The following TTN variants were observed in gnomAD, a reference collection of about 807,000 sequenced individuals.
TTN encodes titin.
A neutral mutation model predicts 3,223.0 loss-of-function variants in TTN; 1,525 were observed. The observed-to-expected ratio is 0.47, with a 90% CI of 0.45 to 0.49. The LOEUF (loss-of-function observed/expected upper bound fraction) is 0.49, where lower values mean the gene tolerates loss of function less well. TTN is among the 20% of genes least tolerant of loss of function. TTN has a pLI of 0.00. For synonymous variants in TTN, 14,094 were observed against 15,161.0 expected (o/e 0.93, Z 5.17); for missense variants, 40,786 against 43,424.0 (o/e 0.94, Z 5.40).
intron 361 of TTN, 152 bp from the exon 362 acceptor site, chr2:178,527,900 C>T (rs1398043762): frequency 6.0e-6 from 4 of 663,624 alleles, no homozygotes; most frequent in Admixed American, 3.2e-5. Context: ...TACATATATA[C>T]ATACATTTGT....
chr2:178,771,488 G>A lies in TTN; in HGVS notation c.7856-17C>T, dbSNP rs748692552. 1.2e-6 allele frequency: 2 copies of A among 1,613,800 alleles called. No homozygotes were observed. Among genetic ancestry groups the A allele is most frequent in the South Asian group, 1.1e-5 (1 of 91,066 alleles). On this transcript the variant is annotated splice_polypyrimidine_tract_variant and intron_variant, in intron 33 of 362. Coordinates refer to ENST00000589042, the MANE Select transcript of TTN (RefSeq NM_001267550.2). ...TGGCCCCACCTTTGGAACAAGAGAT[G>A]TACAGTATGAGTCCTTTAAACATAT...
chr2:178,550,495 A>G lies in TTN; in HGVS notation c.91565-222T>C, dbSNP rs142042835. 1,275 of 516,370 alleles carry G rather than the reference A, an allele frequency of 2.5e-3. 23 individuals are homozygous for G. Among genetic ancestry groups the G allele is most frequent in the South Asian group, 0.021 (693 of 32,794 alleles). 32.0% of individuals were successfully genotyped at this position (516,370 alleles called of 1,614,324 possible). On this transcript the variant is annotated intron_variant, in intron 336 of 362. Coordinates refer to ENST00000589042, the MANE Select transcript of TTN (RefSeq NM_001267550.2). ...CTTTGTAATGCCTGTCATGTTTTTA[A>G]TTTTGCATTGCTCTTTGTAAAAAGG...
rs752812520 is a variant in TTN, at chr2:178,577,527, A to C, written c.68825-17T>G. 6.4e-7 allele frequency: 1 copy of C among 1,556,486 alleles called. No homozygotes were observed. The highest frequency in any genetic ancestry group is 2.3e-5 in the East Asian group (1 of 44,124). On this transcript the variant is annotated splice_polypyrimidine_tract_variant and intron_variant, in intron 323 of 362. Coordinates refer to ENST00000589042, the MANE Select transcript of TTN (RefSeq NM_001267550.2). ...TTGGTGCCTCTGCAAAGAAAAAAAT[A>C]CATTTTAATCAGAAAAGGAAGGAGG...
intron 294 of TTN, 80 bp downstream of exon 294, chr2:178,597,458 A>G (rs1201498432): frequency 7.0e-7 from 1 of 1,432,528 alleles, no homozygotes; most frequent in Non-Finnish European, 9.4e-7. Context: ...TGTTTGTTAC[A>G]CAGCATACAG....
chr2:178,768,209 A>G, intron 38 of TTN, 54 bp from the exon 39 acceptor site: 1 of 1,576,232 alleles, frequency 6.3e-7, no homozygotes, highest in South Asian at 1.1e-5. Flanking sequence ...ATTGAGATAT[A>G]ATTCACATAC....
rs2154269430 is a variant in TTN, at chr2:178,678,956, A to G, written c.33743-126T>C. 1.3e-5 allele frequency: 10 copies of G among 774,716 alleles called. No homozygotes were observed. In the South Asian group the frequency reaches 2.0e-4, roughly 15 times the overall value. 48.0% of individuals were successfully genotyped at this position (774,716 alleles called of 1,614,324 possible). A position where few individuals can be genotyped will look rare whatever the true frequency, so the allele number is the denominator to read the frequency against. On this transcript the variant is annotated intron_variant, in intron 142 of 362. Transcript: ENST00000589042. ...TATCAATTTCACTTTAAGACTGAAA[A>G]TTATAATAGCCACAAAACAAAGGCC...
intron 33 of TTN, 179 bp downstream of exon 33, chr2:178,772,930 A>G (rs970729916): frequency 4.1e-6 from 3 of 737,882 alleles, no homozygotes. Context: ...AGGTAGGCCT[A>G]GAAGAACATT....
Position 178,794,963 on chromosome 2 carries a change from C to A in TTN, c.1204G>T (p.Ala402Ser). 7 of 1,605,438 alleles carry A rather than the reference C, an allele frequency of 4.4e-6. No homozygotes were observed. The highest frequency in any genetic ancestry group is 5.9e-6 in the Non-Finnish European group (7 of 1,179,960). ...AGAAASVSAS[A>S]SYAAEAVATG... Reference sequence around the variant, plus strand: ...GCAACAGCCTCTGCTGCGTAGCTAGCACTGGCCGACACACTGGCGGCAGCA... The same window carrying A: ...GCAACAGCCTCTGCTGCGTAGCTAGAACTGGCCGACACACTGGCGGCAGCA... Residue 402 changes from alanine to serine, a missense_variant, in exon 7 of 363, where the codon GCT becomes TCT. Coordinates refer to ENST00000589042, the MANE Select transcript of TTN (RefSeq NM_001267550.2).
At position 178,711,075 on chromosome 2, in the gene TTN, C is replaced by A; in HGVS notation, c.28161G>T (p.Arg9387Ser). 6.3e-7 allele frequency: 1 copy of A among 1,590,550 alleles called. No individual in the cohort carries two copies. Among genetic ancestry groups the A allele is most frequent in the Non-Finnish European group, 8.6e-7 (1 of 1,168,794 alleles). ...GAATCCACAAACCTGTGAGAATGAG[C>A]CTGGCACTGGAAGAAGCAGAGCCTA... The part of the protein sequence containing the change: ...NPIGSASSSA[R>S]LILTEGKNPP... The change falls in exon 97 of 363, where the codon AGG becomes AGT. Residue 9387 changes from arginine (R) to serine (S), a missense_variant. Coordinates refer to ENST00000589042, the MANE Select transcript of TTN (RefSeq NM_001267550.2).
At position 178,543,324 on chromosome 2, in the gene TTN, A is replaced by T; in HGVS notation, c.96649T>A (p.Ser32217Thr). The stretch of plus-strand genomic sequence containing the variant: ...TTTTCCCAGGCAAGGGTAACAGTGG[A>T]TTTGGTGACATCGACCACTTCTAGC... ...AKLEVVDVTK[S>T]TVTLAWEKPL... The change falls in exon 347 of 363, where the codon TCC (serine) becomes ACC (threonine). Residue 32217 changes from serine (S) to threonine (T), a missense_variant. Transcript: ENST00000589042. 1.2e-6 allele frequency: 2 copies of T among 1,613,808 alleles called. No homozygotes were observed. Among genetic ancestry groups the T allele is most frequent in the Non-Finnish European group, 1.7e-6 (2 of 1,179,806 alleles).
Position 178,590,599 on chromosome 2 carries a change from T to C in TTN, c.61126A>G (p.Ile20376Val). 6.2e-7 allele frequency: 1 copy of C among 1,612,828 alleles called. No individual in the cohort carries two copies. Among genetic ancestry groups the C allele is most frequent in the Admixed American group, 1.7e-5 (1 of 59,906 alleles). ...CTCTTGTCTTTCAGTTTAGGATTAA[T>C]AGGTGGTCCAGGTGGTTTGATGGGC... ...CRPIKPPGPP[I>V]NPKLKDKSRE... The change falls in exon 304 of 363, where the codon ATT (isoleucine) becomes GTT (valine). Residue 20376 changes from isoleucine to valine, a missense_variant. Coordinates refer to ENST00000589042, the MANE Select transcript of TTN (RefSeq NM_001267550.2).
chr2:178,694,910 C>A lies in TTN; in HGVS notation c.31271-4G>T, dbSNP rs2073322104. The A allele has an allele frequency of 6.5e-7, 1 of 1,540,344 alleles. No homozygotes were observed. Among genetic ancestry groups the A allele is most frequent in the Non-Finnish European group, 8.8e-7 (1 of 1,140,090 alleles). On this transcript the variant is annotated splice_polypyrimidine_tract_variant and splice_region_variant and intron_variant, in intron 115 of 362. Coordinates refer to ENST00000589042, the MANE Select transcript of TTN (RefSeq NM_001267550.2). ...TCAATTACTGGCTTCTTTATAACTG[C>A]AAGCATTTTAGAGAAATTGCAGTAC... is the stretch of plus-strand genomic sequence containing the variant.
rs763184060 is a variant in TTN at position 178,615,287 on chromosome 2, A to G, written c.48638+20T>C. On this transcript the variant is annotated intron_variant, in intron 259 of 362. Coordinates refer to ENST00000589042, the MANE Select transcript of TTN (RefSeq NM_001267550.2). ...TGACTAGGAGTACACATTTACTCTC[A>G]TGCCAAATTAAAAACCTACTTTGTT... 1 of 1,611,674 alleles carries G rather than the reference A, an allele frequency of 6.2e-7. No individual in the cohort carries two copies. The highest frequency in any genetic ancestry group is 1.7e-5 in the Admixed American group (1 of 59,826).
At chr2:178,645,114 G>T (rs1243081844) in intron 217 of TTN, 2 of 152,120 alleles carry the variant, frequency 1.3e-5, no homozygotes, top group Non-Finnish European at 2.9e-5. Context: ...GATAATTTTA[G>T]ATTGGGGAAT....
chr2:178,708,335 T>G (rs1239508253), intron 99 of TTN, among the ~76,000 whole-genome samples: 3 of 152,204 alleles, frequency 2.0e-5, no homozygotes, highest in Non-Finnish European at 4.4e-5. Context: ...CACAGTAGCA[T>G]TTAAAATCCA....
intron 40 of TTN, 87 bp from the exon 41 acceptor site, chr2:178,766,699 G>A (rs2090496699): frequency 9.6e-7 from 1 of 1,036,380 alleles, no homozygotes; most frequent in East Asian, 2.5e-5. Flanking sequence ...TTCTAAAACT[G>A]GTCAATGAAT....
In TTN at chr2:178,563,336, C is replaced by T. The variant is rs1553571755; in HGVS notation, c.82796G>A (p.Gly27599Asp). 1 of 1,613,602 alleles carries T rather than the reference C, an allele frequency of 6.2e-7. No individual in the cohort carries two copies. The highest frequency in any genetic ancestry group is 1.3e-5 in the African/African-American group (1 of 75,010). ...LAWSKPIYDG[G>D]APVKGYVVEV... ...TACAACATAGCCTTTAACAGGTGCG[C>T]CACCATCATAAATTGGCTTACTCCA... The change falls in exon 326 of 363, where the codon GGC becomes GAC. Residue 27599 changes from glycine to aspartate, a missense_variant. Gly to Asp is a moderately conservative substitution (Grantham distance 94, BLOSUM62 -1). Coordinates refer to ENST00000589042, the MANE Select transcript of TTN (RefSeq NM_001267550.2). The surrounding 1 kb of genome is among the most constrained non-coding windows in gnomAD (Gnocchi z 4.5).
rs2303830 is a variant in TTN at position 178,615,707 on chromosome 2, G to A, written c.48394C>T (p.Arg16132Cys). The change falls in exon 258 of 363, where the codon CGT becomes TGT. Residue 16132 changes from arginine (R) to cysteine (C), a missense_variant. Arg to Cys is a radical substitution (Grantham distance 180, BLOSUM62 -3). Coordinates refer to ENST00000589042, the MANE Select transcript of TTN (RefSeq NM_001267550.2). ...GKEYLFKVCARNKCGPGEPAY... is the reference protein window; with the variant it reads ...GKEYLFKVCACNKCGPGEPAY... ...GGTTCTCCAGGGCCACATTTGTTAC[G>A]AGCACAAACTTTAAATAAGTACTCT... 508 of 1,612,356 alleles carry A rather than the reference G, an allele frequency of 3.2e-4. 5 individuals are homozygous for A. In the East Asian group the frequency reaches 0.011, roughly 34 times the overall value.
rs1706037308 is a variant in TTN at position 178,566,796 on chromosome 2, G to A, written c.79336C>T (p.Leu26446=). The A allele has an allele frequency of 2.5e-6, 4 of 1,613,312 alleles. No individual in the cohort carries two copies. Among genetic ancestry groups the A allele is most frequent in the Non-Finnish European group, 3.4e-6 (4 of 1,179,682 alleles). The change falls in exon 326 of 363, where the codon CTA becomes TTA. Residue 26446 remains leucine (L), a synonymous_variant. Coordinates refer to ENST00000589042, the MANE Select transcript of TTN (RefSeq NM_001267550.2). ...CNKRRITDLR[L]RVTGLTEDHE... is the part of the protein sequence containing the mutation. ...TCTTCTGTTAATCCTGTCACTCTTA[G>A]ACGCAAATCTGTAATGCGGCGTTTA...
Sources: allele counts gnomAD v4.1 joint callset (sites outside exome capture counted in the v4.1 genomes callset), GRCh38; gene constraint gnomAD v4.1.1; non-coding constraint Gnocchi (gnomAD v3.1); transcripts MANE v1.5; gene names NCBI Gene and HGNC (gene_info 2026-07-23, HGNC 2026-07-21).